The following ROBO1 variants were observed in gnomAD, a reference collection of about 807,000 sequenced individuals.
ROBO1 encodes roundabout homolog 1.
In ROBO1, 149 loss-of-function variants were observed where a neutral mutation model predicts 195.9. The observed-to-expected ratio is 0.76, with a 90% confidence interval of 0.67 to 0.87. The LOEUF (loss-of-function observed/expected upper bound fraction) is 0.87. Among genes scored for constraint, ROBO1 ranks in the 40% least tolerant of loss-of-function variants. The pLI, the probability that ROBO1 is intolerant of heterozygous loss-of-function variation, is 0.00. For synonymous variants in ROBO1, 816 were observed against 733.2 expected (o/e 1.11, Z -1.82); for missense variants, 1,933 against 2,068.3 (o/e 0.93, Z 1.27).
intron 1 of ROBO1, among the ~76,000 whole-genome samples, chr3:79,743,933 C>A (rs1483927929): frequency 6.6e-6 from 1 of 152,174 alleles, no homozygotes; most frequent in African/African-American, 2.4e-5. Context: ...TCCTGAAGGG[C>A]CTGCCTCAGG....
intron 2 of ROBO1, among the ~76,000 whole-genome samples, chr3:79,180,098 G>A (rs1048522889): frequency 6.6e-6 from 1 of 152,114 alleles, no homozygotes; most frequent in Non-Finnish European, 1.5e-5. Flanking sequence ...GTTCTTCAGA[G>A]TTATTTAAGA....
At chr3:79,397,822 AC>A (rs2037210416) in intron 2 of ROBO1, among the ~76,000 whole-genome samples, 1 of 152,196 alleles carries the variant, frequency 6.6e-6, no homozygotes, top group African/African-American at 2.4e-5. Flanking sequence ...GCATTAAGCT[AC>A]TTAACCTCTC....
At chr3:78,616,733 C>G (rs1399285271) in intron 27 of ROBO1, among the ~76,000 whole-genome samples, 2 of 151,976 alleles carry the variant, frequency 1.3e-5, no homozygotes, top group African/African-American at 2.4e-5. Context: ...TTTAGATTTT[C>G]TTGGCTATCA....
At chr3:79,681,491 G>A (rs372931665) in intron 1 of ROBO1, among the ~76,000 whole-genome samples, 1 of 152,096 alleles carries the variant, frequency 6.6e-6, no homozygotes, top group Non-Finnish European at 1.5e-5. Flanking sequence ...ATGAGTGGGG[G>A]ATAGGATCAG....
chr3:79,146,869 A>G (rs1028490008), intron 2 of ROBO1, among the ~76,000 whole-genome samples: 2 of 151,940 alleles, frequency 1.3e-5, no homozygotes, highest in African/African-American at 2.4e-5. Context: ...GAATGTAGGG[A>G]AAGTTTAGAT....
chr3:79,089,344 G>A (rs1053654557), intron 3 of ROBO1, among the ~76,000 whole-genome samples: 5 of 152,070 alleles, frequency 3.3e-5, no homozygotes, highest in African/African-American at 9.6e-5. Flanking sequence ...TCTAAAAATT[G>A]GCACTTTCCA....
At chr3:78,691,520 A>T (rs548066182) in intron 8 of ROBO1, among the ~76,000 whole-genome samples, 62 of 152,288 alleles carry the variant, frequency 4.1e-4, no homozygotes, top group Middle Eastern at 3.4e-3. Flanking sequence ...ATTGTTTTAA[A>T]TTTAGATTAT....
intron 3 of ROBO1, among the ~76,000 whole-genome samples, chr3:78,947,374 C>A (rs2040504891): frequency 6.6e-6 from 1 of 152,206 alleles, no homozygotes; most frequent in African/African-American, 2.4e-5. Context: ...GAAACTCACT[C>A]AAAACCGCTC....
At chr3:79,572,836 G>A (rs1460422997) in intron 2 of ROBO1, among the ~76,000 whole-genome samples, 1 of 152,034 alleles carries the variant, frequency 6.6e-6, no homozygotes, top group Non-Finnish European at 1.5e-5. Flanking sequence ...TTTGGTCCGG[G>A]AGGCCTCGTA....
At position 79,551,159 on chromosome 3, in the gene ROBO1, G is replaced by GT. The variant is rs1053918381; in HGVS notation, c.88+38664dup. On this transcript the variant is annotated intron_variant, in intron 2 of 30. Transcript: ENST00000464233. ...AAACTTACCCAGTCTGTGATACACT[G>GT]TTTTTTTTTCTTTCAACTTTTTTTT... 6.6e-4 allele frequency among the ~76,000 whole-genome samples: 99 copies of GT among 149,610 alleles called. 2 individuals are homozygous for GT. Among genetic ancestry groups the GT allele is most frequent in the East Asian group, 4.3e-3 (22 of 5,082 alleles).
chr3:78,910,334 G>A (rs434929), intron 4 of ROBO1, among the ~76,000 whole-genome samples: 57,751 of 151,320 alleles, frequency 0.38, 11,741 homozygotes, highest in African/African-American at 0.53. Flanking sequence ...GTTTGTTTTT[G>A]TTTAGTTTCT....
intron 4 of ROBO1, among the ~76,000 whole-genome samples, chr3:78,800,124 C>T (rs1374675269): frequency 6.6e-6 from 1 of 152,164 alleles, no homozygotes; most frequent in Non-Finnish European, 1.5e-5. Flanking sequence ...ATTCTAATGA[C>T]TGTCATTGAT....
chr3:79,208,622 G>C (rs1231629103), intron 2 of ROBO1, among the ~76,000 whole-genome samples: 1 of 152,020 alleles, frequency 6.6e-6, no homozygotes, highest in African/African-American at 2.4e-5. Flanking sequence ...AAAAGCAAAA[G>C]TGAACATGTA....
chr3:78,842,622 A>G (rs1576273981), intron 4 of ROBO1, among the ~76,000 whole-genome samples: 1 of 149,450 alleles, frequency 6.7e-6, no homozygotes, highest in South Asian at 2.1e-4. Flanking sequence ...ATGGCACCTA[A>G]GCACACGAAA....
intron 1 of ROBO1, among the ~76,000 whole-genome samples, chr3:79,705,449 T>C (rs938637938): frequency 6.6e-5 from 10 of 152,068 alleles, no homozygotes; most frequent in Non-Finnish European, 8.8e-5. Context: ...CTCCATTGTA[T>C]TGTCATTGTG....
At chr3:78,675,294 A>G (rs1708342286) in intron 10 of ROBO1, among the ~76,000 whole-genome samples, 1 of 152,038 alleles carries the variant, frequency 6.6e-6, no homozygotes, top group South Asian at 2.1e-4. Context: ...TCATCTCACT[A>G]GGGAGTGCCA....
intron 2 of ROBO1, among the ~76,000 whole-genome samples, chr3:79,429,727 G>A (rs572030880): frequency 6.6e-5 from 10 of 152,036 alleles, no homozygotes; most frequent in African/African-American, 1.7e-4. Context: ...TGTCTGACAC[G>A]TCTTTGAACT....
At chr3:79,277,687 A>T (rs2031159184) in intron 2 of ROBO1, among the ~76,000 whole-genome samples, 1 of 152,078 alleles carries the variant, frequency 6.6e-6, no homozygotes, top group Non-Finnish European at 1.5e-5. Flanking sequence ...ATTTACTCTG[A>T]AGTGAATATT....
At chr3:79,005,070 T>C (rs1043894390) in intron 3 of ROBO1, among the ~76,000 whole-genome samples, 3 of 152,160 alleles carry the variant, frequency 2.0e-5, no homozygotes, top group Non-Finnish European at 2.9e-5. Context: ...TAACGAAGAA[T>C]CCGTTATTAT....
Sources: allele counts gnomAD v4.1 joint callset (sites outside exome capture counted in the v4.1 genomes callset), GRCh38; gene constraint gnomAD v4.1.1; transcripts MANE v1.5; gene names NCBI Gene and HGNC (gene_info 2026-07-23, HGNC 2026-07-21).